Variants in CCDC191 observed in about 807,000 individuals in gnomAD.
CCDC191 encodes the protein coiled-coil domain containing 191.
A neutral mutation model predicts 114.0 loss-of-function variants in CCDC191; 99 were observed. The observed-to-expected ratio is 0.87, with a 90% CI of 0.74 to 1.03. The LOEUF is 1.03. Ranked by LOEUF, CCDC191 falls within the 50% of genes least tolerant of loss-of-function variation. The pLI is 0.00. For missense variants in CCDC191, 973 were observed against 1,087.0 expected (o/e 0.90, Z 1.47); for synonymous variants, 351 against 376.0 (o/e 0.93, Z 0.77).
At chr3:113,967,156 G>A (rs1559862902) in intron 16 of CCDC191, among the ~76,000 whole-genome samples, 1 of 152,098 alleles carries the variant, frequency 6.6e-6, no homozygotes, top group African/African-American at 2.4e-5. Flanking sequence ...TTACTTCATT[G>A]CTTGCTTTTA....
At chr3:114,009,482 A>C (rs1015721120) in intron 9 of CCDC191, among the ~76,000 whole-genome samples, 2 of 152,146 alleles carry the variant, frequency 1.3e-5, no homozygotes, top group Non-Finnish European at 2.9e-5. Flanking sequence ...GTTAAAAACT[A>C]AGATACAAAC....
At chr3:114,016,179 A>G (rs1248383096) in intron 8 of CCDC191, among the ~76,000 whole-genome samples, 1 of 152,210 alleles carries the variant, frequency 6.6e-6, no homozygotes, top group Non-Finnish European at 1.5e-5. Context: ...CAGGTGAGTG[A>G]ACCACAGAAT....
intron 13 of CCDC191, among the ~76,000 whole-genome samples, chr3:113,991,849 T>C (rs1376364076): frequency 6.6e-6 from 1 of 152,182 alleles, no homozygotes; most frequent in East Asian, 1.9e-4. Flanking sequence ...CTAAAATGAA[T>C]TATGTTCCCA....
chr3:113,978,131 T>C, intron 16 of CCDC191, 55 bp downstream of exon 16: 1 of 1,594,456 alleles, frequency 6.3e-7, no homozygotes, highest in Admixed American at 1.7e-5. Context: ...GCAGAATATA[T>C]TGCTGAGCAA....
At chr3:114,030,341 G>T (rs1425987936) in intron 7 of CCDC191, among the ~76,000 whole-genome samples, 1 of 152,044 alleles carries the variant, frequency 6.6e-6, no homozygotes, top group Non-Finnish European at 1.5e-5. Flanking sequence ...TCTCTAATTT[G>T]TTGGGAAATA....
chr3:113,979,341 C>G (rs1311823152), intron 14 of CCDC191, among the ~76,000 whole-genome samples: 1 of 152,212 alleles, frequency 6.6e-6, no homozygotes, highest in Non-Finnish European at 1.5e-5. Context: ...AATTTGCTCT[C>G]CTGGAGCTTG....
intron 15 of CCDC191, 125 bp from the exon 16 acceptor site, chr3:113,978,456 G>A (rs1577330718): frequency 1.0e-6 from 1 of 978,892 alleles, no homozygotes; most frequent in Middle Eastern, 3.2e-4. Flanking sequence ...GACATACAAA[G>A]AAAAGGATAA....
intron 7 of CCDC191, among the ~76,000 whole-genome samples, chr3:114,024,410 T>C (rs1284757352): frequency 5.3e-5 from 8 of 152,194 alleles, no homozygotes; most frequent in Admixed American, 2.0e-4. Context: ...TGTAGGTTTA[T>C]TGCGGCACTA....
At position 113,964,879 on chromosome 3, in the gene CCDC191, A is replaced by G. The variant is rs1577287432; in HGVS notation, c.*276T>C. 1 of 227,872 alleles carries G rather than the reference A, an allele frequency of 4.4e-6. No homozygotes were observed. The highest frequency in any genetic ancestry group is 2.2e-5 in the African/African-American group (1 of 44,466). 14.1% of individuals were successfully genotyped at this position (227,872 alleles called of 1,614,324 possible). ...GTCAGGCAAACACTTGTCCTTTTTA[A>G]AGTTTACTATGCTAAAAATATATAG... On this transcript the variant is annotated 3_prime_UTR_variant, in exon 17 of 17. Transcript: ENST00000295878.
chr3:114,005,545 TG>T lies in CCDC191; in HGVS notation c.1830del (p.Arg611GlufsTer12), dbSNP rs747287862. 5 of 1,613,282 alleles carry T rather than the reference TG, an allele frequency of 3.1e-6. No individual in the cohort carries two copies. The African/African-American group carries it at 5.3e-5, about 17-fold the overall frequency. On this transcript the variant is annotated frameshift_variant, in exon 10 of 17. Transcript: ENST00000295878. LOFTEE classifies it high-confidence loss of function. Reference sequence around the variant, plus strand: ...TGGCAGGTTCTTGGTTCCTCTTCTCTGGGCTTTGACAGCAGGTGGCTCTGTG... The same window carrying T: ...TGGCAGGTTCTTGGTTCCTCTTCTCTGGCTTTGACAGCAGGTGGCTCTGTG... ...TEAQSHLLSK[P>X]REEEPRTCQM...
intron 3 of CCDC191, among the ~76,000 whole-genome samples, chr3:114,045,223 A>C (rs1320573069): frequency 6.6e-6 from 1 of 152,050 alleles, no homozygotes; most frequent in East Asian, 1.9e-4. Context: ...CCAATTTCAG[A>C]ATCAATCTCC....
intron 4 of CCDC191, among the ~76,000 whole-genome samples, chr3:114,037,306 T>C (rs1324992513): frequency 1.3e-5 from 2 of 152,290 alleles, no homozygotes; most frequent in African/African-American, 4.8e-5. Context: ...CTCCTCCCCT[T>C]GCCCTCCACT....
At chr3:114,025,064 A>G (rs975137379) in intron 7 of CCDC191, among the ~76,000 whole-genome samples, 2 of 152,180 alleles carry the variant, frequency 1.3e-5, no homozygotes, top group African/African-American at 4.8e-5. Flanking sequence ...TTCAGTTCCC[A>G]GAACACAGTG....
intron 13 of CCDC191, among the ~76,000 whole-genome samples, chr3:113,983,693 T>G (rs1410099988): frequency 1.3e-5 from 2 of 152,238 alleles, no homozygotes. Flanking sequence ...CATTCTAACA[T>G]CTACGTAAGT....
Position 114,001,619 on chromosome 3 carries a change from T to C in CCDC191, c.2139A>G (p.Arg713=). ...EEKEAQLERK[R]EEKRLKKMKE... ...CCATTTTCTTCAGTCTCTTCTCTTCTCGTTTTCTTTCAAGCTGTGCCTCCT... is the reference window on the plus strand; with the variant it reads ...CCATTTTCTTCAGTCTCTTCTCTTCCCGTTTTCTTTCAAGCTGTGCCTCCT... The change falls in exon 13 of 17, where the codon CGA becomes CGG. Residue 713 remains arginine, a synonymous_variant. Coordinates refer to ENST00000295878, the MANE Select transcript of CCDC191 (RefSeq NM_020817.2). 1 of 1,613,886 alleles carries C rather than the reference T, an allele frequency of 6.2e-7. No individual in the cohort carries two copies. The highest frequency in any genetic ancestry group is 8.5e-7 in the Non-Finnish European group (1 of 1,179,822).
At chr3:113,967,869 C>T (rs1291736578) in intron 16 of CCDC191, among the ~76,000 whole-genome samples, 1 of 152,124 alleles carries the variant, frequency 6.6e-6, no homozygotes, top group Non-Finnish European at 1.5e-5. Context: ...TTAGCTCTCC[C>T]ACATGAGTAA....
Position 114,031,664 on chromosome 3 carries a change from T to C in CCDC191, c.934A>G (p.Lys312Glu). 6.2e-7 allele frequency: 1 copy of C among 1,610,236 alleles called. No individual in the cohort carries two copies. Among genetic ancestry groups the C allele is most frequent in the Non-Finnish European group, 8.5e-7 (1 of 1,176,538 alleles). Residue 312 changes from lysine (K) to glutamate (E), a missense_variant, in exon 7 of 17, where the codon AAA (lysine) becomes GAA (glutamate). Transcript: ENST00000295878. ...TTGAAAGTTTGGATTAATACTTCTTTCAATTTCCTTTTTCTTTCCTTCACC... is the reference window on the plus strand; with the variant it reads ...TTGAAAGTTTGGATTAATACTTCTTCCAATTTCCTTTTTCTTTCCTTCACC... ...KMVKERKRKLKEVLIQTFKEN... is the reference protein window; with the variant it reads ...KMVKERKRKLEEVLIQTFKEN...
Position 114,005,655 on chromosome 3 carries a change from T to G in CCDC191, c.1721A>C (p.Gln574Pro). 1 of 1,614,176 alleles carries G rather than the reference T, an allele frequency of 6.2e-7. No homozygotes were observed. Among genetic ancestry groups the G allele is most frequent in the East Asian group, 2.2e-5 (1 of 44,882 alleles). Residue 574 changes from glutamine to proline, a missense_variant, in exon 10 of 17, where the codon CAG becomes CCG. Coordinates refer to ENST00000295878, the MANE Select transcript of CCDC191 (RefSeq NM_020817.2). ...EKQKKKLQEQ[Q>P]KTILELKKNL... ...TTTCTTCAGCTCGAGAATTGTTTTC[T>G]GCTGTTCCTGAAGTTTCTTCTTTTG... is the stretch of plus-strand genomic sequence containing the variant.
At position 114,056,365 on chromosome 3, in the gene CCDC191, G is replaced by T. The variant is rs375925498; in HGVS notation, c.90+12C>A. On this transcript the variant is annotated intron_variant, in intron 1 of 16. Coordinates refer to ENST00000295878, the MANE Select transcript of CCDC191 (RefSeq NM_020817.2). ...AAAGTCCCCGCCCTCCAAAGCTCTC[G>T]ATTGGGATCACCTTGGGACTCGGCT... 6.2e-7 allele frequency: 1 copy of T among 1,613,736 alleles called. No individual in the cohort carries two copies. The highest frequency in any genetic ancestry group is 8.5e-7 in the Non-Finnish European group (1 of 1,179,674).
Sources: allele counts gnomAD v4.1 joint callset (sites outside exome capture counted in the v4.1 genomes callset), GRCh38; gene constraint gnomAD v4.1.1; transcripts MANE v1.5; gene names NCBI Gene and HGNC (gene_info 2026-07-23, HGNC 2026-07-21).